Variants in PRKG2 observed in about 807,000 individuals in gnomAD.
PRKG2 encodes cGMP-dependent protein kinase 2.
A neutral mutation model predicts 97.2 loss-of-function variants in PRKG2; 33 were observed. The ratio of observed to expected loss-of-function variants is 0.34; its 90% CI spans 0.26 to 0.45. The LOEUF (loss-of-function observed/expected upper bound fraction) is 0.45. PRKG2 is among the 20% of genes least tolerant of loss of function. PRKG2 has a pLI of 1.00. For missense variants in PRKG2, 638 were observed against 900.0 expected (o/e 0.71, Z 3.73); for synonymous variants, 330 against 321.8 (o/e 1.03, Z -0.27).
At chr4:81,206,236 C>T (rs1402761672) in intron 1 of PRKG2, among the ~76,000 whole-genome samples, 1 of 152,136 alleles carries the variant, frequency 6.6e-6, no homozygotes, top group African/African-American at 2.4e-5. Flanking sequence ...CATATTTTTG[C>T]ACATGCAGTT....
At chr4:81,101,267 G>A (rs1251238593) in intron 17 of PRKG2, among the ~76,000 whole-genome samples, 1 of 152,020 alleles carries the variant, frequency 6.6e-6, no homozygotes, top group African/African-American at 2.4e-5. Context: ...ACATGCACAC[G>A]TACGTTTATT....
intron 3 of PRKG2, among the ~76,000 whole-genome samples, chr4:81,173,529 C>G (rs1750668288): frequency 6.6e-6 from 1 of 152,026 alleles, no homozygotes; most frequent in South Asian, 2.1e-4. Flanking sequence ...AGAAAAGTTG[C>G]AAGAGGGAAA....
intron 2 of PRKG2, among the ~76,000 whole-genome samples, chr4:81,200,408 C>T (rs893400001): frequency 2.6e-5 from 4 of 152,140 alleles, no homozygotes; most frequent in Admixed American, 6.5e-5. Context: ...TAGTAGGCAT[C>T]GATGCAATGG....
Position 81,092,465 on chromosome 4 carries a change from AAAGGAAGGAAGGAAGGAAGGAAGGAAGG to A in PRKG2, c.2127-41_2127-14del, listed in dbSNP as rs59866145. On this transcript the variant is annotated splice_polypyrimidine_tract_variant and intron_variant, in intron 17 of 18. Coordinates refer to ENST00000264399, the MANE Select transcript of PRKG2 (RefSeq NM_006259.3). Reference sequence around the variant, plus strand: ...ACCATTTAACCACCTGAGAAATGAGAAAGGAAGGAAGGAAGGAAGGAAGGAAGGAAGGAAGGAAGGAAGGAAGGGAGAA... The same window carrying A: ...ACCATTTAACCACCTGAGAAATGAGAAAGGAAGGAAGGAAGGAAGGGAGAA... 5.4e-6 allele frequency: 5 copies of A among 926,498 alleles called. No individual in the cohort carries two copies. Among genetic ancestry groups the A allele is most frequent in the Admixed American group, 2.5e-5 (1 of 39,802 alleles). The allele number at this position is 926,498 out of a possible 1,614,324, so 57.4% of individuals were successfully genotyped here. A position where few individuals can be genotyped will look rare whatever the true frequency, so the allele number is the denominator to read the frequency against.
At chr4:81,160,332 C>T (rs1749506644) in intron 6 of PRKG2, among the ~76,000 whole-genome samples, 1 of 152,076 alleles carries the variant, frequency 6.6e-6, no homozygotes, top group South Asian at 2.1e-4. Flanking sequence ...GCTTTATTAT[C>T]TGCACTTATG....
rs555375938 is a variant in PRKG2 at position 81,154,078 on chromosome 4, C to T, written c.913-357G>A. 7.6e-4 allele frequency: 136 copies of T among 179,792 alleles called. 1 individual carries two copies. Among genetic ancestry groups the T allele is most frequent in the Non-Finnish European group, 1.3e-3 (115 of 85,344 alleles). The allele number at this position is 179,792 out of a possible 1,614,324, so 11.1% of individuals were successfully genotyped here. A position where few individuals can be genotyped will look rare whatever the true frequency, so the allele number is the denominator to read the frequency against. The stretch of plus-strand genomic sequence containing the variant: ...TTGGGACGGCCTTAAAAAAACGGCG[C>T]ACCACGAGATTATATCCCCGCACCT... On this transcript the variant is annotated intron_variant, in intron 6 of 18. Transcript: ENST00000264399.
intron 16 of PRKG2, among the ~76,000 whole-genome samples, chr4:81,105,548 C>T (rs1027976294): frequency 6.6e-6 from 1 of 152,066 alleles, no homozygotes; most frequent in African/African-American, 2.4e-5. Flanking sequence ...TGCTCTCTAA[C>T]AGATAAAGAT....
At chr4:81,144,923 C>T (rs1364233598) in intron 9 of PRKG2, among the ~76,000 whole-genome samples, 7 of 151,926 alleles carry the variant, frequency 4.6e-5, no homozygotes, top group Non-Finnish European at 8.8e-5. Context: ...CATGTCCCTA[C>T]AAAGGACATG....
At chr4:81,162,305 T>C (rs977302546) in intron 6 of PRKG2, among the ~76,000 whole-genome samples, 19 of 152,266 alleles carry the variant, frequency 1.2e-4, no homozygotes, top group African/African-American at 2.6e-4. Context: ...CCAGGTAAGT[T>C]ACACTTGCCA....
chr4:81,139,986 T>C (rs886778807), intron 12 of PRKG2, among the ~76,000 whole-genome samples: 3 of 152,176 alleles, frequency 2.0e-5, no homozygotes, highest in Non-Finnish European at 4.4e-5. Flanking sequence ...AATGAGATTC[T>C]GTCATTTGTA....
chr4:81,183,463 T>G (rs988135860), intron 2 of PRKG2, among the ~76,000 whole-genome samples: 5 of 152,090 alleles, frequency 3.3e-5, no homozygotes, highest in African/African-American at 4.8e-5. Flanking sequence ...CAGGCCCAGA[T>G]AGTACGCTTT....
In PRKG2 at chr4:81,112,966, C is replaced by T. The variant is rs150526613; in HGVS notation, c.1777-2355G>A. Among the ~76,000 whole-genome samples, 748 of 152,144 alleles carry T rather than the reference C, an allele frequency of 4.9e-3. 1 individual carries two copies. Among genetic ancestry groups the T allele is most frequent in the Non-Finnish European group, 7.7e-3 (527 of 68,002 alleles). On this transcript the variant is annotated intron_variant, in intron 14 of 18. Coordinates refer to ENST00000264399, the MANE Select transcript of PRKG2 (RefSeq NM_006259.3). ...TATATACCAAAAAGACTCACTGAGG[C>T]GGTAGCATTTGAGCAGATTTGAGTA...
chr4:81,144,545 T>C (rs1424336742), intron 9 of PRKG2, among the ~76,000 whole-genome samples: 1 of 151,450 alleles, frequency 6.6e-6, no homozygotes, highest in African/African-American at 2.4e-5. Context: ...AAAGGGGCTA[T>C]TAATGAGAAC....
intron 5 of PRKG2, among the ~76,000 whole-genome samples, chr4:81,167,961 T>C (rs1373842735): frequency 6.6e-6 from 1 of 152,086 alleles, no homozygotes; most frequent in African/African-American, 2.4e-5. Context: ...CGGGTGTTCA[T>C]TTTGTTATGA....
chr4:81,109,907 A>C (rs1324259238), intron 15 of PRKG2, among the ~76,000 whole-genome samples: 1 of 152,064 alleles, frequency 6.6e-6, no homozygotes, highest in African/African-American at 2.4e-5. Context: ...CACTGCTAAA[A>C]CCCCTGCAGT....
intron 14 of PRKG2, among the ~76,000 whole-genome samples, chr4:81,134,589 G>A (rs1397962864): frequency 6.6e-6 from 1 of 152,076 alleles, no homozygotes; most frequent in Non-Finnish European, 1.5e-5. Flanking sequence ...CTTTAGTGTA[G>A]CATGCAAAGG....
chr4:81,195,053 A>C (rs576745537), intron 2 of PRKG2, among the ~76,000 whole-genome samples: 1 of 152,330 alleles, frequency 6.6e-6, no homozygotes, highest in African/African-American at 2.4e-5. Context: ...TGTAAACTTA[A>C]GATTAAGGAT....
chr4:81,204,335 G>C (rs1018051027), intron 2 of PRKG2, among the ~76,000 whole-genome samples: 4 of 151,900 alleles, frequency 2.6e-5, no homozygotes, highest in Admixed American at 6.6e-5. Flanking sequence ...CACCCCTAGG[G>C]TTTTCAAGGT....
chr4:81,104,984 G>A (rs1178218441), intron 16 of PRKG2, among the ~76,000 whole-genome samples: 2 of 151,928 alleles, frequency 1.3e-5, no homozygotes, highest in Non-Finnish European at 2.9e-5. Flanking sequence ...AAGAACAGAG[G>A]AGCACTTTTT....
Sources: allele counts gnomAD v4.1 joint callset (sites outside exome capture counted in the v4.1 genomes callset), GRCh38; gene constraint gnomAD v4.1.1; transcripts MANE v1.5; gene names NCBI Gene and HGNC (gene_info 2026-07-23, HGNC 2026-07-21).